SLC4A10: variants seen among roughly 807,000 people sequenced by gnomAD.
SLC4A10 encodes the protein sodium-driven chloride bicarbonate exchanger.
In SLC4A10, 42 loss-of-function variants were observed where a neutral mutation model predicts 137.7. The observed-to-expected ratio is 0.30, with a 90% CI of 0.24 to 0.39. The LOEUF is 0.39. SLC4A10 is among the 10% of genes least tolerant of loss of function. SLC4A10 has a pLI of 1.00. For synonymous variants in SLC4A10, 474 were observed against 464.1 expected (o/e 1.02, Z -0.27); for missense variants, 925 against 1,355.0 (o/e 0.68, Z 4.98).
At chr2:161,729,230 T>G (rs1363309376) in intron 1 of SLC4A10, among the ~76,000 whole-genome samples, 3 of 151,972 alleles carry the variant, frequency 2.0e-5, no homozygotes, top group Non-Finnish European at 4.4e-5. Flanking sequence ...AACCATGAAG[T>G]TTGGAAAGAA....
At chr2:161,767,139 A>ATATATATATATGTG (rs1362865580) in intron 1 of SLC4A10, among the ~76,000 whole-genome samples, 3 of 57,128 alleles carry the variant, frequency 5.3e-5, no homozygotes, top group Middle Eastern at 0.011. Flanking sequence ...ATATATATAT[A>ATATATATATATGTG]TGTGTGTGTG....
intron 3 of SLC4A10, among the ~76,000 whole-genome samples, chr2:161,806,685 G>A (rs550051657): frequency 4.7e-4 from 71 of 152,096 alleles, no homozygotes; most frequent in African/African-American, 1.3e-3. Flanking sequence ...GAGACCACCT[G>A]AGATTGCCTG....
intron 1 of SLC4A10, among the ~76,000 whole-genome samples, chr2:161,627,303 C>T (rs1019785767): frequency 6.6e-6 from 1 of 151,998 alleles, no homozygotes; most frequent in African/African-American, 2.4e-5. Flanking sequence ...CTGGAAAAGA[C>T]TCTTCATAGT....
At chr2:161,850,408 A>G (rs901481120) in intron 4 of SLC4A10, among the ~76,000 whole-genome samples, 1 of 152,052 alleles carries the variant, frequency 6.6e-6, no homozygotes, top group Admixed American at 6.6e-5. Context: ...AAAATAAAAT[A>G]AAATAAAAAT....
intron 4 of SLC4A10, among the ~76,000 whole-genome samples, chr2:161,849,738 C>T (rs1219503051): frequency 6.6e-6 from 1 of 151,996 alleles, no homozygotes; most frequent in Non-Finnish European, 1.5e-5. Context: ...AACTTGCCTC[C>T]CAGGAATAAA....
At chr2:161,975,078 A>T (rs1353798121) in intron 24 of SLC4A10, among the ~76,000 whole-genome samples, 1 of 152,122 alleles carries the variant, frequency 6.6e-6, no homozygotes, top group Non-Finnish European at 1.5e-5. Flanking sequence ...AGTGTTAAAA[A>T]CCAAAATAGG....
intron 6 of SLC4A10, among the ~76,000 whole-genome samples, chr2:161,871,438 A>C (rs373254551): frequency 4.6e-5 from 7 of 151,904 alleles, no homozygotes; most frequent in Non-Finnish European, 7.4e-5. Flanking sequence ...TTTTCATTGC[A>C]TTGCTAACTA....
intron 1 of SLC4A10, among the ~76,000 whole-genome samples, chr2:161,726,133 A>C (rs946448991): frequency 1.3e-5 from 2 of 152,202 alleles, no homozygotes; most frequent in East Asian, 1.9e-4. Flanking sequence ...GCTTTAGGGC[A>C]ACAAAAAGGA....
rs1700521370 is a variant in SLC4A10, at chr2:161,983,704, G to A, written c.*552G>A. 6.5e-6 allele frequency: 1 copy of A among 152,698 alleles called. No homozygotes were observed. The highest frequency in any genetic ancestry group is 2.1e-4 in the South Asian group (1 of 4,832). The allele number at this position is 152,698 out of a possible 1,614,324, so 9.5% of individuals were successfully genotyped here. On this transcript the variant is annotated 3_prime_UTR_variant, in exon 27 of 27. Coordinates refer to ENST00000446997, the MANE Select transcript of SLC4A10 (RefSeq NM_001178015.2). Reference sequence around the variant, plus strand: ...CCCAAATCAAAAAGTTAGTTTGAAAGCATTTTTTAATAATTGTATTTATGC... The same window carrying A: ...CCCAAATCAAAAAGTTAGTTTGAAAACATTTTTTAATAATTGTATTTATGC...
At chr2:161,676,711 T>C (rs1303931681) in intron 1 of SLC4A10, among the ~76,000 whole-genome samples, 3 of 152,186 alleles carry the variant, frequency 2.0e-5, no homozygotes, top group African/African-American at 7.2e-5. Flanking sequence ...AAAGAATTGA[T>C]ATCAAAAATT....
intron 1 of SLC4A10, chr2:161,708,693 G>C (rs2043950279): frequency 1.3e-6 from 2 of 1,513,456 alleles, no homozygotes; most frequent in Admixed American, 2.1e-5. Flanking sequence ...TTTTTCACTA[G>C]CCCTGAAGAT....
intron 15 of SLC4A10, among the ~76,000 whole-genome samples, chr2:161,930,706 T>C (rs548477793): frequency 8.5e-5 from 13 of 152,210 alleles, no homozygotes; most frequent in African/African-American, 2.9e-4. Flanking sequence ...TTACTAATTA[T>C]AGAAGTAATA....
At chr2:161,907,088 C>T (rs552702919) in intron 15 of SLC4A10, among the ~76,000 whole-genome samples, 2 of 145,082 alleles carry the variant, frequency 1.4e-5, no homozygotes, top group African/African-American at 2.5e-5. Context: ...AAAAGAATCA[C>T]GAAATGATAT....
chr2:161,775,433 AG>A (rs1392677239), intron 2 of SLC4A10, among the ~76,000 whole-genome samples: 1 of 151,920 alleles, frequency 6.6e-6, no homozygotes, highest in African/African-American at 2.4e-5. Context: ...ATAGAGTCCA[AG>A]AGGATTTGGA....
chr2:161,938,034 A>T (rs1691902874), intron 15 of SLC4A10, among the ~76,000 whole-genome samples: 1 of 152,128 alleles, frequency 6.6e-6, no homozygotes, highest in Non-Finnish European at 1.5e-5. Context: ...GCACTTTGGG[A>T]GGCTGAAGCA....
chr2:161,927,025 A>C (rs367552318), intron 15 of SLC4A10, among the ~76,000 whole-genome samples: 4 of 151,966 alleles, frequency 2.6e-5, no homozygotes, highest in Admixed American at 2.6e-4. Flanking sequence ...GTGAATCTGA[A>C]AATTATGTGT....
At chr2:161,756,759 A>G (rs1289242465) in intron 1 of SLC4A10, among the ~76,000 whole-genome samples, 1 of 152,152 alleles carries the variant, frequency 6.6e-6, no homozygotes, top group African/African-American at 2.4e-5. Flanking sequence ...GAGAAAGAAG[A>G]CAGCATGATA....
chr2:161,736,105 G>T (rs1323601097), intron 1 of SLC4A10, among the ~76,000 whole-genome samples: 1 of 151,876 alleles, frequency 6.6e-6, no homozygotes, highest in East Asian at 1.9e-4. Flanking sequence ...TTTTTATAAA[G>T]AATTTTTATT....
At chr2:161,806,758 G>A (rs2056013186) in intron 3 of SLC4A10, among the ~76,000 whole-genome samples, 1 of 152,108 alleles carries the variant, frequency 6.6e-6, no homozygotes, top group African/African-American at 2.4e-5. Flanking sequence ...TCACTAGGAA[G>A]TTCCAAACTT....
Sources: allele counts gnomAD v4.1 joint callset (sites outside exome capture counted in the v4.1 genomes callset), GRCh38; gene constraint gnomAD v4.1.1; transcripts MANE v1.5; gene names NCBI Gene and HGNC (gene_info 2026-07-23, HGNC 2026-07-21).